XXYLT1: variants seen among roughly 807,000 people sequenced by gnomAD.
XXYLT1 encodes the protein xyloside xylosyltransferase 1, also known as UDP-xylose:alpha-xyloside alpha-1,3-xylosyltransferase.
In XXYLT1, 20 loss-of-function variants were observed where a neutral mutation model predicts 28.9. The observed-to-expected ratio is 0.69, with a 90% confidence interval of 0.49 to 1.00. The LOEUF is 1.00. Among genes scored for constraint, XXYLT1 ranks in the 50% least tolerant of loss-of-function variants. The pLI is 0.00. For synonymous variants in XXYLT1, 257 were observed against 253.8 expected, an observed-to-expected ratio of 1.01 and a Z score of -0.12; for missense variants, 542 against 560.1, an observed-to-expected ratio of 0.97 and a Z score of 0.33.
intron 3 of XXYLT1, among the ~76,000 whole-genome samples, chr3:195,083,092 T>G (rs1189350096): frequency 6.6e-6 from 1 of 152,176 alleles, no homozygotes; most frequent in East Asian, 1.9e-4. Context: ...CAAAACAGGA[T>G]AGAGCGCCCG....
At chr3:195,269,419 G>A (rs571498446) in intron 1 of XXYLT1, among the ~76,000 whole-genome samples, 1 of 152,354 alleles carries the variant, frequency 6.6e-6, no homozygotes, top group East Asian at 1.9e-4. Context: ...GAATGGCCAA[G>A]GGCCCAAGAG....
At chr3:195,139,681 C>A (rs1273172717) in intron 3 of XXYLT1, among the ~76,000 whole-genome samples, 1 of 152,154 alleles carries the variant, frequency 6.6e-6, no homozygotes, top group Non-Finnish European at 1.5e-5. Flanking sequence ...AAGACAAAGG[C>A]CCCTTCCCAA....
At chr3:195,183,069 G>A (rs1722028666) in intron 2 of XXYLT1, among the ~76,000 whole-genome samples, 1 of 152,166 alleles carries the variant, frequency 6.6e-6, no homozygotes, top group African/African-American at 2.4e-5. Flanking sequence ...AGCTCGGGCA[G>A]GACAAATAAT....
Position 195,143,845 on chromosome 3 carries a change from TATATATATAGATATATATAGATATAG to T in XXYLT1, c.785+12578_785+12603del, listed in dbSNP as rs1411635142. On this transcript the variant is annotated intron_variant, in intron 3 of 3. Transcript: ENST00000310380. ...AGATATATATAGATATAGATATAGA[TATATATATAGATATATATAGATATAG>T]ATATATATATATATATATTTATTTT... is the stretch of plus-strand genomic sequence containing the variant. Among the ~76,000 whole-genome samples, 43 of 73,112 alleles carry T rather than the reference TATATATATAGATATATATAGATATAG, an allele frequency of 5.9e-4. 2 individuals are homozygous for T. Among genetic ancestry groups the T allele is most frequent in the East Asian group, 2.1e-3 (3 of 1,422 alleles). 48.0% of individuals were successfully genotyped at this position (73,112 alleles called of 152,430 possible). A position where few individuals can be genotyped will look rare whatever the true frequency, so the allele number is the denominator to read the frequency against.
At position 195,072,767 on chromosome 3, in the gene XXYLT1, C is replaced by T. The variant is rs570580497; in HGVS notation, c.786-2656G>A. Among the ~76,000 whole-genome samples, 6 of 152,264 alleles carry T rather than the reference C, an allele frequency of 3.9e-5. No individual in the cohort carries two copies. The South Asian group carries it at 8.3e-4, about 21-fold the overall frequency. On this transcript the variant is annotated intron_variant, in intron 3 of 3. Transcript: ENST00000310380. ...ATGTTCAGGGGGCCCTTGTTCAAGG[C>T]GTCCCTACTATCCCCAAATGAACCC...
chr3:195,115,836 G>A lies in XXYLT1; in HGVS notation c.785+40613C>T, dbSNP rs1054675349. On this transcript the variant is annotated intron_variant, in intron 3 of 3. Coordinates refer to ENST00000310380, the MANE Select transcript of XXYLT1 (RefSeq NM_152531.5). This position sits in a 1 kb window ranked among gnomAD's most constrained non-coding sequence, Gnocchi z 4.2. Reference sequence around the variant, plus strand: ...GTCAGAGGGCGAGAGGGTCTGATGGGGGCAGCTCTGTATGAAAACTGGAGG... The same window carrying A: ...GTCAGAGGGCGAGAGGGTCTGATGGAGGCAGCTCTGTATGAAAACTGGAGG... Among the ~76,000 whole-genome samples the A allele has an allele frequency of 1.3e-5, 2 of 152,116 alleles. No individual in the cohort carries two copies. Among genetic ancestry groups the A allele is most frequent in the African/African-American group, 2.4e-5 (1 of 41,402 alleles).
chr3:195,080,906 C>A, intron 3 of XXYLT1, among the ~76,000 whole-genome samples: 1 of 152,336 alleles, frequency 6.6e-6, no homozygotes, highest in African/African-American at 2.4e-5. Flanking sequence ...CCCCCGGCTG[C>A]AAACTGTGTT....
intron 2 of XXYLT1, among the ~76,000 whole-genome samples, chr3:195,220,692 C>A (rs1560159570): frequency 6.6e-6 from 1 of 152,200 alleles, no homozygotes; most frequent in African/African-American, 2.4e-5. Flanking sequence ...CCGAGCAGTA[C>A]AATGAATGGA....
At chr3:195,231,026 C>T (rs1724277706) in intron 1 of XXYLT1, among the ~76,000 whole-genome samples, 1 of 151,828 alleles carries the variant, frequency 6.6e-6, no homozygotes, top group Non-Finnish European at 1.5e-5. Flanking sequence ...GCTTATCTTT[C>T]CATTTCTTGG....
At chr3:195,104,081 A>C (rs934451651) in intron 3 of XXYLT1, among the ~76,000 whole-genome samples, 2 of 152,186 alleles carry the variant, frequency 1.3e-5, no homozygotes, top group Non-Finnish European at 2.9e-5. Flanking sequence ...CCCACAGTTT[A>C]GAATGGGAGC....
chr3:195,212,594 T>C (rs538932892), intron 2 of XXYLT1, among the ~76,000 whole-genome samples: 2 of 152,314 alleles, frequency 1.3e-5, no homozygotes, highest in South Asian at 4.1e-4. Flanking sequence ...CTCCACCTCC[T>C]GTCAGATCAG....
intron 3 of XXYLT1, among the ~76,000 whole-genome samples, chr3:195,139,526 C>T (rs1420473839): frequency 6.6e-6 from 1 of 152,230 alleles, no homozygotes; most frequent in African/African-American, 2.4e-5. Context: ...CTCAGCCGCT[C>T]AGCTGCAGGC....
At chr3:195,085,444 T>C (rs1715666158) in intron 3 of XXYLT1, among the ~76,000 whole-genome samples, 1 of 152,222 alleles carries the variant, frequency 6.6e-6, no homozygotes, top group African/African-American at 2.4e-5. Context: ...TTCCCTAGAA[T>C]GGAGCCTCCA....
chr3:195,173,978 T>C lies in XXYLT1; in HGVS notation c.653-17397A>G, dbSNP rs938529144. Among the ~76,000 whole-genome samples, 2 of 152,176 alleles carry C rather than the reference T, an allele frequency of 1.3e-5. No homozygotes were observed. Among genetic ancestry groups the C allele is most frequent in the African/African-American group, 4.8e-5 (2 of 41,436 alleles). The stretch of plus-strand genomic sequence containing the variant: ...CTCGGGTTGCAGGAGCAGAGTGACA[T>C]ACTCAGAGTCCCTCAGTCAGAGGAT... On this transcript the variant is annotated intron_variant, in intron 2 of 3. Transcript: ENST00000310380. The surrounding 1 kb of genome is among the most constrained non-coding windows in gnomAD (Gnocchi z 4.3).
At chr3:195,230,517 T>C (rs574544199) in intron 1 of XXYLT1, among the ~76,000 whole-genome samples, 19 of 152,194 alleles carry the variant, frequency 1.2e-4, no homozygotes, top group Non-Finnish European at 2.2e-4. Context: ...TCATAATTTG[T>C]GGTCTTAGAT....
At chr3:195,100,711 C>A (rs111440454) in intron 3 of XXYLT1, among the ~76,000 whole-genome samples, 2,803 of 152,224 alleles carry the variant, frequency 0.018, 70 homozygotes, top group African/African-American at 0.054. Context: ...CTTCTTGTCA[C>A]GAAAACCCAG....
chr3:195,200,189 G>A (rs1722792427), intron 2 of XXYLT1, among the ~76,000 whole-genome samples: 1 of 152,172 alleles, frequency 6.6e-6, no homozygotes, highest in South Asian at 2.1e-4. Flanking sequence ...CCGTGAAGCA[G>A]CGCGGTTCCA....
At position 195,069,602 on chromosome 3, in the gene XXYLT1, G is replaced by C. The variant is rs1414975861; in HGVS notation, c.*113C>G. 1 of 1,441,948 alleles carries C rather than the reference G, an allele frequency of 6.9e-7. No individual in the cohort carries two copies. Among genetic ancestry groups the C allele is most frequent in the Non-Finnish European group, 9.3e-7 (1 of 1,079,900 alleles). 89.3% of individuals were successfully genotyped at this position (1,441,948 alleles called of 1,614,324 possible). ...AGGAGGTCTCAGCACCTTAATCACA[G>C]GACTTCCCTGCGGTGTCTCTCTAGC... On this transcript the variant is annotated 3_prime_UTR_variant, in exon 4 of 4. Transcript: ENST00000310380.
intron 3 of XXYLT1, among the ~76,000 whole-genome samples, chr3:195,087,834 G>T (rs990822197): frequency 1.3e-5 from 2 of 152,136 alleles, no homozygotes; most frequent in South Asian, 2.1e-4. Flanking sequence ...CGCACCGTGC[G>T]CGAGCCGAAG....
Sources: allele counts gnomAD v4.1 joint callset (sites outside exome capture counted in the v4.1 genomes callset), GRCh38; gene constraint gnomAD v4.1.1; non-coding constraint Gnocchi (gnomAD v3.1); transcripts MANE v1.5; gene names NCBI Gene and HGNC (gene_info 2026-07-23, HGNC 2026-07-21).